The following GRAMD1B variants were observed in gnomAD, a reference collection of about 807,000 sequenced individuals.
The protein encoded by GRAMD1B is GRAM domain containing 1B.
Under a neutral mutation model 99.7 loss-of-function variants are expected in GRAMD1B, and 37 were observed. That is an observed-to-expected ratio of 0.37 (90% CI 0.29 to 0.49). The LOEUF is 0.49. Among genes scored for constraint, GRAMD1B ranks in the 20% least tolerant of loss-of-function variants. GRAMD1B has a pLI of 0.98. For missense variants in GRAMD1B, 888 were observed against 1,009.2 expected (o/e 0.88, Z 1.63); for synonymous variants, 427 against 387.6 (o/e 1.10, Z -1.19).
rs545598843 is a variant in GRAMD1B, at chr11:123,526,222, T to G, written c.452+45329T>G. 312 of 1,529,400 alleles carry G rather than the reference T, an allele frequency of 2.0e-4. 3 individuals carry two copies. In the South Asian group the frequency reaches 2.5e-3, roughly 12 times the overall value. 94.7% of individuals were successfully genotyped at this position (1,529,400 alleles called of 1,614,324 possible). A position where few individuals can be genotyped will look rare whatever the true frequency, so the allele number is the denominator to read the frequency against. ...TTCCTCTTCTGCCTTTCTTCAGCCCTGTGCTCGCCCCAGCACCCTCAAGAG... is the reference window on the plus strand; with the variant it reads ...TTCCTCTTCTGCCTTTCTTCAGCCCGGTGCTCGCCCCAGCACCCTCAAGAG... On this transcript the variant is annotated intron_variant, in intron 2 of 19. Coordinates refer to ENST00000635736, the MANE Select transcript of GRAMD1B (RefSeq NM_001387025.1).
At chr11:123,589,614 T>TATATATATATATATATATATATATATA (rs1555089174) in intron 4 of GRAMD1B, among the ~76,000 whole-genome samples, 28 of 128,228 alleles carry the variant, frequency 2.2e-4, no homozygotes, top group African/African-American at 8.1e-4. Flanking sequence ...TGGCTAATTT[T>TATATATATATATATATATATATATATA]TATATATATA....
At chr11:123,483,852 A>G (rs974078426) in intron 2 of GRAMD1B, among the ~76,000 whole-genome samples, 1 of 152,164 alleles carries the variant, frequency 6.6e-6, no homozygotes, top group Middle Eastern at 3.2e-3. Flanking sequence ...ATTTCTTTAG[A>G]TTATGAAGTC....
intron 1 of GRAMD1B, among the ~76,000 whole-genome samples, chr11:123,455,367 T>G (rs1460770914): frequency 1.1e-4 from 16 of 152,158 alleles, no homozygotes; most frequent in African/African-American, 3.9e-4. Flanking sequence ...GCTCAAGTGA[T>G]CTGCCTTCCT....
At chr11:123,399,659 G>C (rs1947589738) in intron 1 of GRAMD1B, among the ~76,000 whole-genome samples, 3 of 152,038 alleles carry the variant, frequency 2.0e-5, no homozygotes. Context: ...GCCCAGGCTG[G>C]AGTGCAGTGG....
rs1954781674 is a variant in GRAMD1B, at chr11:123,618,854, T to A, written c.2426+54T>A. On this transcript the variant is annotated intron_variant, in intron 18 of 19. Coordinates refer to ENST00000635736, the MANE Select transcript of GRAMD1B (RefSeq NM_001387025.1). The stretch of plus-strand genomic sequence containing the variant: ...ACCTTCATCCCACCCAGTGCCATGA[T>A]ACCTGTCTCCCAGTCTCCTTGGGAC... The A allele has an allele frequency of 4.5e-6, 4 of 898,048 alleles. No individual in the cohort carries two copies. In the East Asian group the frequency reaches 1.1e-4, roughly 24 times the overall value. The allele number at this position is 898,048 out of a possible 1,614,324, so 55.6% of individuals were successfully genotyped here.
chr11:123,491,938 A>C (rs982839449), intron 2 of GRAMD1B: 4 of 399,174 alleles, frequency 1.0e-5, no homozygotes, highest in Admixed American at 4.4e-5. Flanking sequence ...CTGAGGAAGA[A>C]GCTGGCCTTT....
chr11:123,398,103 G>A (rs1299800769), intron 1 of GRAMD1B, among the ~76,000 whole-genome samples: 1 of 152,182 alleles, frequency 6.6e-6, no homozygotes, highest in Admixed American at 6.5e-5. Flanking sequence ...ATACTCAGGA[G>A]TGAAATTGCT....
In GRAMD1B at chr11:123,610,438, G is replaced by A. The variant is rs1414219314; in HGVS notation, c.1919+100G>A. ...GGAAGGAGGAGGTGGGGAGTGCTTG[G>A]CTGCTGACTCTCTTTATTCTACTTT... On this transcript the variant is annotated intron_variant, in intron 14 of 19. Transcript: ENST00000635736. This position sits in a 1 kb window ranked among gnomAD's most constrained non-coding sequence, Gnocchi z 4.1. 5.2e-6 allele frequency: 6 copies of A among 1,152,956 alleles called. No homozygotes were observed. The Admixed American group carries it at 5.3e-5, about 10-fold the overall frequency. The allele number at this position is 1,152,956 out of a possible 1,614,324, so 71.4% of individuals were successfully genotyped here. A position where few individuals can be genotyped will look rare whatever the true frequency, so the allele number is the denominator to read the frequency against.
intron 2 of GRAMD1B, among the ~76,000 whole-genome samples, chr11:123,528,189 T>C (rs1328583640): frequency 8.5e-5 from 13 of 152,074 alleles, no homozygotes; most frequent in Admixed American, 8.5e-4. Flanking sequence ...GATAGGGTAC[T>C]AATGCTGATA....
At chr11:123,562,101 G>A (rs1447313057) in intron 2 of GRAMD1B, among the ~76,000 whole-genome samples, 1 of 152,186 alleles carries the variant, frequency 6.6e-6, no homozygotes, top group African/African-American at 2.4e-5. Context: ...TGTAATCCCA[G>A]CACTTCGGGA....
chr11:123,475,058 G>C (rs938307741), intron 1 of GRAMD1B, among the ~76,000 whole-genome samples: 2 of 152,166 alleles, frequency 1.3e-5, no homozygotes, highest in Admixed American at 6.5e-5. Flanking sequence ...CTCAGTAGAG[G>C]TTGCCATATT....
rs562403851 is a variant in GRAMD1B, at chr11:123,379,096, G to T, written c.-176+20297G>T. Among the ~76,000 whole-genome samples the T allele has an allele frequency of 5.3e-5, 8 of 152,304 alleles. No homozygotes were observed. The South Asian group carries it at 1.7e-3, about 32-fold the overall frequency. ...ATCAGGGGTTAAAGTTAGAGGGATG[G>T]AATGAGGTAAAAATAATGAGTTATA... On this transcript the variant is annotated intron_variant, in intron 1 of 20. Coordinates refer to the GRAMD1B transcript ENST00000638157.
At chr11:123,426,671 A>G (rs1280743404), upstream of GRAMD1B, among the ~76,000 whole-genome samples, 1 of 152,140 alleles carries the variant, frequency 6.6e-6, no homozygotes, top group African/African-American at 2.4e-5. Flanking sequence ...TCTTGCAACA[A>G]CAGTGTTGTG....
At chr11:123,390,642 C>A (rs181915682) in intron 1 of GRAMD1B, among the ~76,000 whole-genome samples, 7 of 152,220 alleles carry the variant, frequency 4.6e-5, no homozygotes, top group Admixed American at 3.3e-4. Context: ...TCAAATACAA[C>A]CTTTCCAGGT....
At chr11:123,536,874 G>T (rs985129538) in intron 2 of GRAMD1B, among the ~76,000 whole-genome samples, 1 of 152,112 alleles carries the variant, frequency 6.6e-6, no homozygotes, top group South Asian at 2.1e-4. Flanking sequence ...GCTGGAACTT[G>T]TTCTACATTT....
At chr11:123,474,328 A>G (rs892780063) in intron 1 of GRAMD1B, among the ~76,000 whole-genome samples, 13 of 152,128 alleles carry the variant, frequency 8.5e-5, no homozygotes, top group Non-Finnish European at 1.8e-4. Context: ...ATGCATTATT[A>G]CCCACATCTG....
intron 3 of GRAMD1B, among the ~76,000 whole-genome samples, 180 bp downstream of exon 3, chr11:123,577,757 T>A (rs1425489483): frequency 6.6e-6 from 1 of 150,994 alleles, no homozygotes; most frequent in Non-Finnish European, 1.5e-5. Context: ...TAGTTAAATA[T>A]CTTCCCCGCT....
At chr11:123,614,879 C>T (rs2137037672) in intron 17 of GRAMD1B, 44 bp downstream of exon 17, 3 of 1,144,798 alleles carry the variant, frequency 2.6e-6, no homozygotes, top group Middle Eastern at 1.9e-4. Flanking sequence ...ACCACCTTCC[C>T]TTTCCAGCCT....
chr11:123,374,915 T>G (rs1166939135), intron 1 of GRAMD1B, among the ~76,000 whole-genome samples: 2 of 152,234 alleles, frequency 1.3e-5, no homozygotes, highest in East Asian at 3.8e-4. Context: ...TCATTTGACC[T>G]TGGCATTGAT....
Sources: gnomAD v4.1 joint callset for allele counts (sites outside exome capture counted in the v4.1 genomes callset) on GRCh38, gnomAD v4.1.1 for gene constraint, Gnocchi (gnomAD v3.1) non-coding constraint, MANE v1.5 for transcripts, NCBI Gene and HGNC (gene_info 2026-07-23, HGNC 2026-07-21) for gene names.